The following CTPS2 variants were observed in gnomAD, a reference collection of about 807,000 sequenced individuals.
CTPS2 encodes CTP synthase II.
Under a neutral mutation model 46.8 loss-of-function variants are expected in CTPS2, and 19 were observed. The ratio of observed to expected loss-of-function variants is 0.41; its 90% confidence interval spans 0.28 to 0.60. The LOEUF (loss-of-function observed/expected upper bound fraction) is 0.60, where lower values mean the gene tolerates loss of function less well. Among genes scored for constraint, CTPS2 ranks in the 20% least tolerant of loss-of-function variants. The probability of loss-of-function intolerance (pLI) is 0.35; values close to 1 mark genes in which losing one functional copy is unlikely to be tolerated. For missense variants in CTPS2, 286 were observed against 447.6 expected (o/e 0.64, Z 3.26); for synonymous variants, 151 against 165.2 (o/e 0.91, Z 0.66).
At chrX:16,666,122 C>T (rs762198329) in intron 13 of CTPS2, among the ~76,000 whole-genome samples, 73 of 111,896 alleles carry the variant, frequency 6.5e-4, no homozygotes, top group Non-Finnish European at 1.2e-3. Context: ...TTTAAAAAAC[C>T]AATCGCGATT....
At chrX:16,619,692 C>T (rs1930715972) in intron 15 of CTPS2, among the ~76,000 whole-genome samples, 2 of 111,759 alleles carry the variant, frequency 1.8e-5, no homozygotes, top group South Asian at 7.7e-4. Context: ...TCAAATGCAT[C>T]GTAATTGACA....
chrX:16,598,132 A>G (rs1929397018), intron 17 of CTPS2, among the ~76,000 whole-genome samples: 1 of 111,437 alleles, frequency 9.0e-6, no homozygotes. Context: ...ACACCCTAAC[A>G]TCACAATTAA....
chrX:16,701,879 G>A (rs769163518), intron 2 of CTPS2, among the ~76,000 whole-genome samples: 3 of 110,293 alleles, frequency 2.7e-5, no homozygotes, highest in Admixed American at 9.7e-5. Flanking sequence ...GATTACAGGC[G>A]TGAGCCACCA....
Position 16,625,307 on chromosome X carries a change from T to G in CTPS2, c.1394-4975A>C, listed in dbSNP as rs760784857. On this transcript the variant is annotated intron_variant, in intron 14 of 18. Transcript: ENST00000359276. ...CACTCATAAAAGGACAAATACTGTA[T>G]GATTCTACTTCAAGGAGGTATCGAT... Among the ~76,000 whole-genome samples the G allele has an allele frequency of 2.7e-5, 3 of 112,730 alleles. No individual in the cohort carries two copies. In the East Asian group the frequency reaches 8.4e-4, roughly 31 times the overall value.
At chrX:16,638,849 C>T (rs748887597) in intron 14 of CTPS2, 2 of 439,721 alleles carry the variant, frequency 4.5e-6, no homozygotes, top group Middle Eastern at 3.8e-4. Context: ...CCAAGTTCAT[C>T]TCCAGGAGCA....
chrX:16,617,290 C>A (rs756334768), intron 15 of CTPS2, 44 bp from the exon 16 acceptor site: 2 of 968,729 alleles, frequency 2.1e-6, no homozygotes, highest in East Asian at 6.3e-5. Context: ...CAGTGCAATA[C>A]CAGCTGCCAT....
chrX:16,703,893 T>A (rs1181153870), intron 1 of CTPS2, among the ~76,000 whole-genome samples: 4 of 110,427 alleles, frequency 3.6e-5, no homozygotes, highest in Non-Finnish European at 7.6e-5. Context: ...CAGACTCCAG[T>A]GTCAGACTGA....
At chrX:16,679,383 A>T (rs1266270160) in intron 9 of CTPS2, among the ~76,000 whole-genome samples, 4 of 108,148 alleles carry the variant, frequency 3.7e-5, no homozygotes, top group South Asian at 4.0e-4. Context: ...AAAAATAAAT[A>T]AAAAAAAAAG....
intron 1 of CTPS2, among the ~76,000 whole-genome samples, chrX:16,710,512 T>C (rs1444401280): frequency 1.8e-5 from 2 of 112,577 alleles, no homozygotes; most frequent in Non-Finnish European, 3.8e-5. Flanking sequence ...TCATTTTCTG[T>C]TTTTTCAAAA....
intron 17 of CTPS2, among the ~76,000 whole-genome samples, chrX:16,594,526 A>G (rs1702346336): frequency 1.8e-5 from 2 of 112,141 alleles, no homozygotes; most frequent in South Asian, 7.4e-4. Context: ...ATCTCCTCAA[A>G]CAGTCATGGA....
At chrX:16,681,132 G>A (rs1922712893) in intron 9 of CTPS2, among the ~76,000 whole-genome samples, 1 of 111,828 alleles carries the variant, frequency 8.9e-6, no homozygotes, top group Admixed American at 9.5e-5. Context: ...GTTGCAGTGA[G>A]CTGAGATGGC....
chrX:16,641,994 A>C (rs12856491), intron 13 of CTPS2, among the ~76,000 whole-genome samples: 32 of 112,075 alleles, frequency 2.9e-4, no homozygotes, highest in Non-Finnish European at 4.9e-4. Flanking sequence ...ACAAACACAG[A>C]GAAAGAGCTA....
At chrX:16,596,701 A>G (rs1392580509) in intron 17 of CTPS2, among the ~76,000 whole-genome samples, 3 of 107,159 alleles carry the variant, frequency 2.8e-5, no homozygotes, top group Non-Finnish European at 5.8e-5. Context: ...TCCTTTGGGT[A>G]TATACCCAGT....
chrX:16,659,625 CA>C (rs60810583), intron 13 of CTPS2, among the ~76,000 whole-genome samples: 71 of 100,022 alleles, frequency 7.1e-4, no homozygotes, highest in East Asian at 3.8e-3. Flanking sequence ...CACAGAATGA[CA>C]AAAAAAAAAA....
intron 13 of CTPS2, among the ~76,000 whole-genome samples, chrX:16,642,232 T>C (rs754341943): frequency 9.8e-5 from 11 of 112,180 alleles, no homozygotes; most frequent in African/African-American, 3.6e-4. Context: ...CCTGAAATGA[T>C]AGCACAGAAA....
chrX:16,662,866 C>T (rs1325130871), intron 13 of CTPS2, among the ~76,000 whole-genome samples: 1 of 111,258 alleles, frequency 9.0e-6, no homozygotes, highest in Non-Finnish European at 1.9e-5. Context: ...GTAAAATGCA[C>T]ACATCCTCTG....
At chrX:16,669,455 G>T (rs73630562) in intron 11 of CTPS2, among the ~76,000 whole-genome samples, 4,960 of 109,599 alleles carry the variant, frequency 0.045, 278 homozygotes, top group African/African-American at 0.16. Flanking sequence ...ATTTCAGAAA[G>T]TTCCATATGG....
intron 13 of CTPS2, among the ~76,000 whole-genome samples, chrX:16,653,048 CT>C (rs2147267193): frequency 9.0e-6 from 1 of 110,994 alleles, no homozygotes; most frequent in East Asian, 2.8e-4. Flanking sequence ...GAACTGTATG[CT>C]TAAAAATGAT....
chrX:16,599,433 A>G (rs1252595112), intron 17 of CTPS2, among the ~76,000 whole-genome samples: 2 of 109,642 alleles, frequency 1.8e-5, no homozygotes, highest in South Asian at 3.9e-4. Context: ...CTTTACCACA[A>G]TGGTCAACAT....
Sources: allele counts gnomAD v4.1 joint callset (sites outside exome capture counted in the v4.1 genomes callset), GRCh38; gene constraint gnomAD v4.1.1; transcripts MANE v1.5; gene names NCBI Gene and HGNC (gene_info 2026-07-23, HGNC 2026-07-21).